The following MARVELD3 variants were observed in gnomAD, a reference collection of about 807,000 sequenced individuals.
MARVELD3 encodes the protein MARVEL domain-containing protein 3.
Under a neutral mutation model 33.5 loss-of-function variants are expected in MARVELD3, and 28 were observed. The ratio of observed to expected loss-of-function variants is 0.84; its 90% CI spans 0.62 to 1.15. MARVELD3 has a LOEUF of 1.15. Among genes scored for constraint, MARVELD3 ranks in the 50% most tolerant of loss-of-function variants. The pLI is 0.00. For synonymous variants in MARVELD3, 241 were observed against 230.4 expected, an observed-to-expected ratio of 1.05 and a Z score of -0.42; for missense variants, 582 against 547.6, an observed-to-expected ratio of 1.06 and a Z score of -0.63.
At chr16:71,629,073 T>C (rs548309493) in intron 1 of MARVELD3, 16 of 344,686 alleles carry the variant, frequency 4.6e-5, no homozygotes, top group African/African-American at 2.4e-4. Context: ...AACTGAGAAC[T>C]TGCACTCACA....
At chr16:71,629,272 A>T in intron 1 of MARVELD3, 95 bp from the exon 2 acceptor site, 1 of 1,314,718 alleles carries the variant, frequency 7.6e-7, no homozygotes, top group Non-Finnish European at 1.0e-6. Flanking sequence ...CTGTTCTGCT[A>T]ATATTTGGGC....
chr16:71,635,129 A>T lies in MARVELD3; in HGVS notation c.*326A>T. ...GATCACTTGAGGTCAGGAGCTCGAG[A>T]CCAGCTTGGCCAACATGGTGAGCCC... is the stretch of plus-strand genomic sequence containing the variant. On this transcript the variant is annotated 3_prime_UTR_variant, in exon 3 of 3. Coordinates refer to ENST00000268485, the MANE Select transcript of MARVELD3 (RefSeq NM_052858.6). 3.3e-6 allele frequency: 3 copies of T among 905,918 alleles called. No homozygotes were observed. The highest frequency in any genetic ancestry group is 4.4e-5 in the South Asian group (1 of 22,520). 56.1% of individuals were successfully genotyped at this position (905,918 alleles called of 1,614,324 possible). A position where few individuals can be genotyped will look rare whatever the true frequency, so the allele number is the denominator to read the frequency against.
chr16:71,641,193 CTG>C (rs1391201980), downstream of MARVELD3: 63 of 848,102 alleles, frequency 7.4e-5, no homozygotes, highest in Non-Finnish European at 1.0e-4. Flanking sequence ...TGGCTCATGC[CTG>C]TAATCCCAGC....
At chr16:71,629,287 C>T (rs1333344206) in intron 1 of MARVELD3, 80 bp from the exon 2 acceptor site, 3 of 1,417,432 alleles carry the variant, frequency 2.1e-6, no homozygotes, top group African/African-American at 1.5e-5. Flanking sequence ...TTGGGCCCAG[C>T]ACGAGGAGTC....
Position 71,635,648 on chromosome 16 carries a change from G to C in MARVELD3, c.*845G>C, listed in dbSNP as rs2044576382. On this transcript the variant is annotated 3_prime_UTR_variant, in exon 3 of 3. Coordinates refer to ENST00000268485, the MANE Select transcript of MARVELD3 (RefSeq NM_052858.6). The stretch of plus-strand genomic sequence containing the variant: ...AAAAAAGTTCATGGAGAGCCACATA[G>C]ACATGAGACCACACTTCAGCCTGAA... The C allele has an allele frequency of 1.0e-6, 1 of 984,762 alleles. No homozygotes were observed. Among genetic ancestry groups the C allele is most frequent in the Non-Finnish European group, 1.2e-6 (1 of 829,898 alleles). 61.0% of individuals were successfully genotyped at this position (984,762 alleles called of 1,614,324 possible).
At chr16:71,639,554 C>A (rs1183124933), downstream of MARVELD3, among the ~76,000 whole-genome samples, 1 of 148,328 alleles carries the variant, frequency 6.7e-6, no homozygotes, top group Non-Finnish European at 1.5e-5. Context: ...TCAAGCAATT[C>A]TCCTGCCTCA....
rs1437307491 is a variant in MARVELD3 at position 71,626,883 on chromosome 16, C to T, written c.467+187C>T. The T allele has an allele frequency of 2.8e-5, 15 of 537,154 alleles. No individual in the cohort carries two copies. Among genetic ancestry groups the T allele is most frequent in the Admixed American group, 1.3e-4 (3 of 23,900 alleles). 33.3% of individuals were successfully genotyped at this position (537,154 alleles called of 1,614,324 possible). A position where few individuals can be genotyped will look rare whatever the true frequency, so the allele number is the denominator to read the frequency against. ...GGAAAACTTTAGGGTTCCCCCTTCT[C>T]GTGGCCTGAACCCAACTAACAAAGC... On this transcript the variant is annotated intron_variant, in intron 1 of 2. Coordinates refer to ENST00000268485, the MANE Select transcript of MARVELD3 (RefSeq NM_052858.6). This position sits in a 1 kb window ranked among gnomAD's most constrained non-coding sequence, Gnocchi z 5.3.
At chr16:71,629,537 T>G (rs1236526054) in intron 2 of MARVELD3, 43 bp downstream of exon 2, 21 of 1,530,788 alleles carry the variant, frequency 1.4e-5, no homozygotes, top group African/African-American at 2.9e-5. Context: ...CTGTCACTGG[T>G]GGTTCTGGAA....
At chr16:71,638,438 C>G (rs1450638606), downstream of MARVELD3, 1 of 149,170 alleles carries the variant, frequency 6.7e-6, no homozygotes, top group African/African-American at 2.6e-5. Context: ...ACATGGTACA[C>G]TTACTTTTGT....
intron 2 of MARVELD3, among the ~76,000 whole-genome samples, chr16:71,630,620 G>A (rs1253362345): frequency 3.4e-5 from 5 of 147,622 alleles, no homozygotes; most frequent in Admixed American, 6.8e-5. Flanking sequence ...GCGAAACTAC[G>A]TCTTAAAAAA....
Position 71,626,947 on chromosome 16 carries a change from C to A in MARVELD3, c.467+251C>A, listed in dbSNP as rs945167039. 27 of 414,702 alleles carry A rather than the reference C, an allele frequency of 6.5e-5. No homozygotes were observed. The highest frequency in any genetic ancestry group is 4.0e-4 in the African/African-American group (19 of 47,862). 25.7% of individuals were successfully genotyped at this position (414,702 alleles called of 1,614,324 possible). On this transcript the variant is annotated intron_variant, in intron 1 of 2. Transcript: ENST00000268485. This position sits in a 1 kb window ranked among gnomAD's most constrained non-coding sequence, Gnocchi z 5.3. ...GTGAGCAGTGGCTGGGCTGGAGGAC[C>A]TGGAGAAGAGAAAGAGAGGCCCCGG...
At chr16:71,637,270 C>A (rs907446105), downstream of MARVELD3, among the ~76,000 whole-genome samples, 2 of 152,150 alleles carry the variant, frequency 1.3e-5, no homozygotes, top group African/African-American at 4.8e-5. Flanking sequence ...TGTAGCCTAA[C>A]AGATAGATGC....
intron 1 of MARVELD3, 133 bp from the exon 2 acceptor site, chr16:71,629,234 G>C (rs2044503463): frequency 9.1e-7 from 1 of 1,104,228 alleles, no homozygotes; most frequent in South Asian, 2.1e-5. Context: ...ATTCTCTGGA[G>C]TTTAAAATAC....
chr16:71,636,926 G>A (rs537556574), downstream of MARVELD3, among the ~76,000 whole-genome samples: 194 of 152,252 alleles, frequency 1.3e-3, no homozygotes, highest in African/African-American at 4.4e-3. Flanking sequence ...ATCTCATGTC[G>A]TTTCAGGATC....
Position 71,636,088 on chromosome 16 carries a change from T to C in MARVELD3, c.*1285T>C, listed in dbSNP as rs990737535. 4.3e-5 allele frequency: 42 copies of C among 985,228 alleles called. No individual in the cohort carries two copies. Among genetic ancestry groups the C allele is most frequent in the East Asian group, 3.4e-4 (3 of 8,828 alleles). 61.0% of individuals were successfully genotyped at this position (985,228 alleles called of 1,614,324 possible). On this transcript the variant is annotated 3_prime_UTR_variant, in exon 3 of 3. Transcript: ENST00000268485. ...ACATTAAATTATGACTTATGGAACA[T>C]TGCAATATATTCTCGGTCCTTAAGT...
At chr16:71,629,262 C>T in intron 1 of MARVELD3, 105 bp from the exon 2 acceptor site, 2 of 1,257,168 alleles carry the variant, frequency 1.6e-6, no homozygotes, top group Non-Finnish European at 1.1e-6. Context: ...AATTCTATTT[C>T]TGTTCTGCTA....
In MARVELD3 at chr16:71,629,472, C is replaced by A; in HGVS notation, c.573C>A (p.Cys191Ter). 6.4e-7 allele frequency: 1 copy of A among 1,574,760 alleles called. No homozygotes were observed. The highest frequency in any genetic ancestry group is 8.6e-7 in the Non-Finnish European group (1 of 1,165,000). The stretch of plus-strand genomic sequence containing the variant: ...AAGGACTCCTGGAATGCCACAAATG[C>A]AAATACTTGTGCACTGGGAGAGGTG... ...EAEGLLECHK[C>*]KYLCTGRACC... The change falls in exon 2 of 3, where the codon TGC (cysteine) becomes TGA (stop). Residue 191 changes from cysteine to a stop codon, truncating the protein, a stop_gained. Transcript: ENST00000268485. LOFTEE classifies it high-confidence loss of function.
chr16:71,633,399 TTG>T (rs1428121410), intron 2 of MARVELD3, among the ~76,000 whole-genome samples: 4 of 152,180 alleles, frequency 2.6e-5, no homozygotes, highest in African/African-American at 9.6e-5. Context: ...GTGTTGTTGT[TTG>T]TGTTTGCTTT....
chr16:71,626,642 C>A lies in MARVELD3; in HGVS notation c.413C>A (p.Pro138Gln). 2 of 1,534,836 alleles carry A rather than the reference C, an allele frequency of 1.3e-6. No homozygotes were observed. The highest frequency in any genetic ancestry group is 1.2e-5 in the South Asian group (1 of 83,554). Residue 138 changes from proline (P) to glutamine (Q), a missense_variant, in exon 1 of 3, where the codon CCG becomes CAG. Transcript: ENST00000268485. This position sits in a 1 kb window ranked among gnomAD's most constrained non-coding sequence, Gnocchi z 5.3. ...APPGPAPWEA[P>Q]EPPQPQRKGD... Reference sequence around the variant, plus strand: ...CCTGGGCCCGCGCCCTGGGAAGCCCCGGAGCCGCCGCAGCCGCAGAGGAAG... The same window carrying A: ...CCTGGGCCCGCGCCCTGGGAAGCCCAGGAGCCGCCGCAGCCGCAGAGGAAG...
Sources: allele counts gnomAD v4.1 joint callset (sites outside exome capture counted in the v4.1 genomes callset), GRCh38; gene constraint gnomAD v4.1.1; non-coding constraint Gnocchi (gnomAD v3.1); transcripts MANE v1.5; gene names NCBI Gene and HGNC (gene_info 2026-07-23, HGNC 2026-07-21).